KDELR2: variants seen among roughly 807,000 people sequenced by gnomAD.
KDELR2 encodes the protein KDEL endoplasmic reticulum protein retention receptor 2.
Under a neutral mutation model 23.9 loss-of-function variants are expected in KDELR2, and 15 were observed. The ratio of observed to expected loss-of-function variants is 0.63; its 90% CI spans 0.42 to 0.97. KDELR2 has a LOEUF of 0.97. KDELR2 is among the 50% of genes least tolerant of loss of function. The probability of loss-of-function intolerance (pLI) is 0.00; values close to 1 mark genes in which losing one functional copy is unlikely to be tolerated. For synonymous variants in KDELR2, 119 were observed against 106.2 expected, an observed-to-expected ratio of 1.12 and a Z score of -0.74; for missense variants, 272 against 254.6, an observed-to-expected ratio of 1.07 and a Z score of -0.46.
intron 2 of KDELR2, among the ~76,000 whole-genome samples, chr7:6,473,486 G>A (rs1241136288): frequency 6.6e-6 from 1 of 152,148 alleles, no homozygotes; most frequent in Admixed American, 6.6e-5. Flanking sequence ...TACACAAAGT[G>A]TTAGGTGGTG....
chr7:6,472,437 CCAAG>C (rs200931461), intron 2 of KDELR2, among the ~76,000 whole-genome samples: 1,700 of 152,280 alleles, frequency 0.011, 35 homozygotes, highest in African/African-American at 0.038. Context: ...GAAACTACAA[CCAAG>C]CAAGCATGGA....
chr7:6,474,310 G>T, intron 1 of KDELR2, 26 bp from the exon 2 acceptor site: 1 of 1,468,950 alleles, frequency 6.8e-7, no homozygotes, highest in Non-Finnish European at 9.5e-7. Flanking sequence ...GGAAGTATTA[G>T]AAGGGCCTGA....
Position 6,469,690 on chromosome 7 carries a change from T to C in KDELR2, c.257A>G (p.Tyr86Cys). ...TCGGAAGGTATCATGATTTCCATCGTAGGTTGCCTTAAATTTCAGGTAGAT... is the reference window on the plus strand; with the variant it reads ...TCGGAAGGTATCATGATTTCCATCGCAGGTTGCCTTAAATTTCAGGTAGAT... ...YLIYLKFKATYDGNHDTFRVE... is the reference protein window; with the variant it reads ...YLIYLKFKATCDGNHDTFRVE... The change falls in exon 3 of 5, where the codon TAC (tyrosine) becomes TGC (cysteine). Residue 86 changes from tyrosine to cysteine, a missense_variant. Tyr to Cys is a radical substitution (Grantham distance 194). Coordinates refer to ENST00000258739, the MANE Select transcript of KDELR2 (RefSeq NM_006854.4). 1 of 1,614,044 alleles carries C rather than the reference T, an allele frequency of 6.2e-7. No individual in the cohort carries two copies. The highest frequency in any genetic ancestry group is 8.5e-7 in the Non-Finnish European group (1 of 1,179,954).
At chr7:6,470,554 TA>T (rs1785609349) in intron 2 of KDELR2, 1 of 152,134 alleles carries the variant, frequency 6.6e-6, no homozygotes, top group Admixed American at 6.5e-5. Context: ...GAATACAAAC[TA>T]TGGTAAAATA....
At chr7:6,470,816 A>C (rs1583317730) in intron 2 of KDELR2, among the ~76,000 whole-genome samples, 1 of 152,110 alleles carries the variant, frequency 6.6e-6, no homozygotes, top group Non-Finnish European at 1.5e-5. Context: ...ATCTTTCTTA[A>C]ATGTATAGCT....
intron 4 of KDELR2, among the ~76,000 whole-genome samples, chr7:6,464,276 T>C (rs1465328188): frequency 7.2e-6 from 1 of 139,118 alleles, no homozygotes; most frequent in African/African-American, 2.8e-5. Flanking sequence ...ATCCCAATAC[T>C]TTGGGAGGCT....
chr7:6,475,943 A>G (rs1308610491), intron 1 of KDELR2, among the ~76,000 whole-genome samples: 1 of 152,044 alleles, frequency 6.6e-6, no homozygotes, highest in African/African-American at 2.4e-5. Flanking sequence ...ACTGGGTCTC[A>G]CTCTGTTGCC....
chr7:6,463,848 G>T (rs1030733716), intron 4 of KDELR2, among the ~76,000 whole-genome samples: 31 of 151,434 alleles, frequency 2.0e-4, no homozygotes, highest in African/African-American at 7.5e-4. Flanking sequence ...ATCTCCTGAG[G>T]TCAGGAGTTC....
chr7:6,471,296 C>T (rs1785634853), intron 2 of KDELR2, among the ~76,000 whole-genome samples: 1 of 149,014 alleles, frequency 6.7e-6, no homozygotes, highest in Admixed American at 6.7e-5. Flanking sequence ...ATTCTCCTGC[C>T]TCAACCTCCC....
At chr7:6,480,421 C>T (rs1253305912) in intron 1 of KDELR2, among the ~76,000 whole-genome samples, 2 of 152,196 alleles carry the variant, frequency 1.3e-5, no homozygotes, top group Admixed American at 6.5e-5. Context: ...ACTCACATTC[C>T]ATGTTGACAC....
At chr7:6,473,881 C>T (rs1362300335) in intron 2 of KDELR2, among the ~76,000 whole-genome samples, 1 of 152,158 alleles carries the variant, frequency 6.6e-6, no homozygotes, top group African/African-American at 2.4e-5. Context: ...AGTTACCGCT[C>T]TTACTTACAG....
At chr7:6,483,060 A>AT (rs1302386607) in intron 1 of KDELR2, among the ~76,000 whole-genome samples, 1 of 152,084 alleles carries the variant, frequency 6.6e-6, no homozygotes, top group Non-Finnish European at 1.5e-5. Context: ...AAAATTAACG[A>AT]AATGTAAAAG....
chr7:6,469,551 G>A (rs1249371080), intron 3 of KDELR2, 45 bp downstream of exon 3: 7 of 1,586,828 alleles, frequency 4.4e-6, no homozygotes, highest in Non-Finnish European at 5.2e-6. Flanking sequence ...TGGGATTACA[G>A]GCATGAGCCA....
intron 4 of KDELR2, among the ~76,000 whole-genome samples, chr7:6,463,752 A>AT (rs1785436193): frequency 2.0e-5 from 3 of 147,036 alleles, no homozygotes; most frequent in South Asian, 4.3e-4. Context: ...CTTTAAAAAG[A>AT]TAAAAAAAAA....
At chr7:6,478,250 C>T (rs1011241557) in intron 1 of KDELR2, among the ~76,000 whole-genome samples, 7 of 151,870 alleles carry the variant, frequency 4.6e-5, no homozygotes, top group African/African-American at 9.7e-5. Context: ...GGGGCTTAAG[C>T]GATTCTCCCT....
At chr7:6,465,981 G>A (rs913924492) in intron 4 of KDELR2, 90 bp downstream of exon 4, 2 of 1,362,464 alleles carry the variant, frequency 1.5e-6, no homozygotes, top group African/African-American at 2.9e-5. Flanking sequence ...GCCAGTTTAT[G>A]AGAGAGTGCC....
intron 4 of KDELR2, among the ~76,000 whole-genome samples, chr7:6,465,814 T>G (rs1785492131): frequency 6.6e-6 from 1 of 152,206 alleles, no homozygotes; most frequent in South Asian, 2.1e-4. Context: ...GAGAGGTATC[T>G]GGTGTTAATG....
intron 1 of KDELR2, among the ~76,000 whole-genome samples, chr7:6,476,052 A>G (rs1257234074): frequency 1.3e-5 from 2 of 152,136 alleles, no homozygotes. Context: ...AGCTGGGACT[A>G]CAGGTGGGTG....
chr7:6,484,149 T>A lies in KDELR2; in HGVS notation c.-92A>T. The A allele has an allele frequency of 4.8e-6, 5 of 1,040,368 alleles. No homozygotes were observed. Among genetic ancestry groups the A allele is most frequent in the African/African-American group, 3.4e-5 (2 of 58,844 alleles). The allele number at this position is 1,040,368 out of a possible 1,614,324, so 64.4% of individuals were successfully genotyped here. A position where few individuals can be genotyped will look rare whatever the true frequency, so the allele number is the denominator to read the frequency against. ...GGCCCCTGAGAGGAAGCGGCGAAGA[T>A]GGCGAGATCGCCCGCGACGTGGCCA... is the stretch of plus-strand genomic sequence containing the variant. On this transcript the variant is annotated 5_prime_UTR_variant, in exon 1 of 5. Transcript: ENST00000258739.
Sources: gnomAD v4.1 joint callset for allele counts (sites outside exome capture counted in the v4.1 genomes callset) on GRCh38, gnomAD v4.1.1 for gene constraint, MANE v1.5 for transcripts, NCBI Gene and HGNC (gene_info 2026-07-23, HGNC 2026-07-21) for gene names.